OR2C1: variants seen among roughly 807,000 people sequenced by gnomAD.
The protein encoded by OR2C1 is olfactory receptor family 2 subfamily C member 1.
For missense variants in OR2C1, 468 were observed against 388.3 expected (o/e 1.21, Z -1.73); for synonymous variants, 209 against 167.3 (o/e 1.25, Z -1.92).
In OR2C1 at chr16:3,356,791, T is replaced by C. The variant is rs144230974; in HGVS notation, c.851T>C (p.Met284Thr). The part of the protein sequence containing the change: ...ISLFYSLVTP[M>T]VNPLIYTLRN... The stretch of plus-strand genomic sequence containing the variant: ...CTGTTCTACTCGTTGGTCACACCCA[T>C]GGTGAATCCCCTCATCTACACGCTG... The change falls in exon 1 of 1, where the codon ATG becomes ACG. Residue 284 changes from methionine to threonine, a missense_variant. Coordinates refer to ENST00000304936, the MANE Select transcript of OR2C1 (RefSeq NM_012368.3). 49 of 1,603,736 alleles carry C rather than the reference T, an allele frequency of 3.1e-5. No homozygotes were observed. The African/African-American group carries it at 6.3e-4, about 21-fold the overall frequency.
the OR2C1 span, among the ~76,000 whole-genome samples, chr16:3,330,137 C>T: frequency 6.6e-5 from 10 of 151,856 alleles, no homozygotes; most frequent in Admixed American, 2.6e-4. Flanking sequence ...GATGGTGTCT[C>T]GCTCTGTTGC....
At chr16:3,333,516 T>C in the OR2C1 span, among the ~76,000 whole-genome samples, 1 of 152,094 alleles carries the variant, frequency 6.6e-6, no homozygotes, top group Non-Finnish European at 1.5e-5. Context: ...TTTGTATTTT[T>C]AGTAGAGACG....
At chr16:3,354,069 C>G (rs67547123), upstream of OR2C1, among the ~76,000 whole-genome samples, 1 of 150,836 alleles carries the variant, frequency 6.6e-6, no homozygotes, top group African/African-American at 2.4e-5. Flanking sequence ...CTGCAACTTC[C>G]GCCTCCCTGT....
upstream of OR2C1, among the ~76,000 whole-genome samples, chr16:3,352,738 CTT>C (rs56083973): frequency 0.011 from 1,272 of 113,110 alleles, 12 homozygotes; most frequent in African/African-American, 0.033. Flanking sequence ...TTCTTTCTTT[CTT>C]TTTTTTTTTT....
chr16:3,331,390 A>G, the OR2C1 span, among the ~76,000 whole-genome samples: 2 of 151,196 alleles, frequency 1.3e-5, no homozygotes, highest in African/African-American at 4.9e-5. Flanking sequence ...TCTTTAGTTT[A>G]ATTAGATCCC....
At chr16:3,339,098 G>A in the OR2C1 span, among the ~76,000 whole-genome samples, 2 of 152,002 alleles carry the variant, frequency 1.3e-5, no homozygotes, top group African/African-American at 4.8e-5. Context: ...AACATAAATG[G>A]AATTACACAA....
At chr16:3,326,603 A>G in the OR2C1 span, among the ~76,000 whole-genome samples, 1 of 152,096 alleles carries the variant, frequency 6.6e-6, no homozygotes, top group African/African-American at 2.4e-5. Flanking sequence ...CCATTTGGAG[A>G]TCTGAGAGGT....
At chr16:3,330,557 CT>C in the OR2C1 span, among the ~76,000 whole-genome samples, 3 of 151,830 alleles carry the variant, frequency 2.0e-5, no homozygotes, top group Non-Finnish European at 2.9e-5. Flanking sequence ...ACATAGGTAA[CT>C]TTTTTTTGCC....
At chr16:3,326,933 C>G in the OR2C1 span, among the ~76,000 whole-genome samples, 1 of 152,158 alleles carries the variant, frequency 6.6e-6, no homozygotes, top group Non-Finnish European at 1.5e-5. Context: ...CACCTCATAC[C>G]TAGAACTGCC....
the OR2C1 span, chr16:3,323,975 A>G: frequency 1.1e-5 from 6 of 569,494 alleles, no homozygotes; most frequent in Admixed American, 1.0e-4. Context: ...TTTAAAACCA[A>G]TAGGTATACT....
the OR2C1 span, among the ~76,000 whole-genome samples, chr16:3,341,684 G>A: frequency 6.6e-6 from 1 of 152,212 alleles, no homozygotes; most frequent in Non-Finnish European, 1.5e-5. Context: ...GGTATATAGG[G>A]TAAGGTCTGC....
In OR2C1 at chr16:3,356,582, C is replaced by T. The variant is rs141671323; in HGVS notation, c.642C>T (p.Ile214=). ...TCACTGCAGTCCCACTAAGCATCAT[C>T]GTGATCTCCTACTGCCTCATTGCTC... is the stretch of plus-strand genomic sequence containing the variant. The part of the protein sequence containing the change: ...TFFTAVPLSI[I]VISYCLIAQA... Residue 214 remains isoleucine (I), a synonymous_variant, in exon 1 of 1, where the codon ATC becomes ATT. Transcript: ENST00000304936. 4 of 1,614,052 alleles carry T rather than the reference C, an allele frequency of 2.5e-6. No individual in the cohort carries two copies. The highest frequency in any genetic ancestry group is 3.4e-6 in the Non-Finnish European group (4 of 1,180,042).
chr16:3,329,035 C>T, the OR2C1 span, among the ~76,000 whole-genome samples: 1 of 151,560 alleles, frequency 6.6e-6, no homozygotes, highest in Non-Finnish European at 1.5e-5. Flanking sequence ...CACTTTGTCA[C>T]CCAGGCAGGA....
chr16:3,326,352 C>G, the OR2C1 span, among the ~76,000 whole-genome samples: 1 of 152,128 alleles, frequency 6.6e-6, no homozygotes, highest in African/African-American at 2.4e-5. Flanking sequence ...GCACATTACC[C>G]TCTCAAAACC....
upstream of OR2C1, chr16:3,355,859 C>T: frequency 3.1e-6 from 3 of 978,762 alleles, no homozygotes; most frequent in Middle Eastern, 3.3e-4. Context: ...TGCAAATCCA[C>T]CTCATCCAAC....
chr16:3,350,310 C>T, the OR2C1 span, among the ~76,000 whole-genome samples: 2 of 151,900 alleles, frequency 1.3e-5, no homozygotes, highest in African/African-American at 4.8e-5. Context: ...CTGCCTCGGA[C>T]TCCCAAAGTG....
the OR2C1 span, among the ~76,000 whole-genome samples, chr16:3,348,745 T>C: frequency 6.6e-6 from 1 of 152,158 alleles, no homozygotes; most frequent in Non-Finnish European, 1.5e-5. Context: ...TTCAGGGTAA[T>C]TCATCTTCTG....
chr16:3,345,862 C>T, the OR2C1 span, among the ~76,000 whole-genome samples: 1 of 140,790 alleles, frequency 7.1e-6, no homozygotes, highest in Non-Finnish European at 1.6e-5. Flanking sequence ...CTCCCTCCCT[C>T]TCTCTTTCGC....
At chr16:3,342,410 G>C in the OR2C1 span, among the ~76,000 whole-genome samples, 1 of 152,026 alleles carries the variant, frequency 6.6e-6, no homozygotes, top group African/African-American at 2.4e-5. Flanking sequence ...AGTTTATCTC[G>C]ACTGGCCTAA....
Sources: allele counts gnomAD v4.1 joint callset (sites outside exome capture counted in the v4.1 genomes callset), GRCh38; gene constraint gnomAD v4.1.1; transcripts MANE v1.5; gene names NCBI Gene and HGNC (gene_info 2026-07-23, HGNC 2026-07-21).